FNTB: variants seen among roughly 807,000 people sequenced by gnomAD.
FNTB encodes the protein farnesyltransferase, CAAX box, subunit beta.
FNTB carries 27 observed loss-of-function variants against 59.4 expected under a neutral mutation model. The observed-to-expected ratio is 0.45, with a 90% CI of 0.34 to 0.63. The LOEUF (loss-of-function observed/expected upper bound fraction) is 0.63. FNTB is among the 20% of genes least tolerant of loss of function. The pLI, the probability that FNTB is intolerant of heterozygous loss-of-function variation, is 0.02. For synonymous variants in FNTB, 230 were observed against 220.7 expected, an observed-to-expected ratio of 1.04 and a Z score of -0.37; for missense variants, 449 against 559.6, an observed-to-expected ratio of 0.80 and a Z score of 1.99.
At position 65,004,303 on chromosome 14, in the gene FNTB, C is replaced by T. The variant is rs768861678; in HGVS notation, c.199C>T (p.Leu67Phe). The T allele has an allele frequency of 6.2e-7, 1 of 1,613,012 alleles. No individual in the cohort carries two copies. The highest frequency in any genetic ancestry group is 8.5e-7 in the Non-Finnish European group (1 of 1,179,420). Residue 67 changes from leucine to phenylalanine, a missense_variant, in exon 2 of 12, where the codon CTT becomes TTT. Around this residue, in one of 2 missense-constraint regions of FNTB, gnomAD observed 112 missense variants for 80.5 expected, o/e 1.39. Transcript: ENST00000246166. ...CTTCAGTTCTTACAAGTTCAACCAC[C>T]TTGTACCAAGGTAAGCTGTGGTTAG... is the stretch of plus-strand genomic sequence containing the variant. Reference protein sequence around the residue: ...EVFSSYKFNHLVPRLVLQREK... With the variant: ...EVFSSYKFNHFVPRLVLQREK...
At chr14:65,034,394 AT>A (rs2062147061) in intron 7 of FNTB, among the ~76,000 whole-genome samples, 1 of 152,218 alleles carries the variant, frequency 6.6e-6, no homozygotes, top group African/African-American at 2.4e-5. Context: ...TGGGAGATAC[AT>A]TTTTAATATC....
chr14:64,999,206 G>A (rs1227658125), intron 1 of FNTB, among the ~76,000 whole-genome samples: 1 of 152,228 alleles, frequency 6.6e-6, no homozygotes, highest in African/African-American at 2.4e-5. Context: ...GGGAGGCCAA[G>A]GCTTATGGAT....
Position 65,032,544 on chromosome 14 carries a change from G to T in FNTB, c.606-66G>T. 1 of 1,579,116 alleles carries T rather than the reference G, an allele frequency of 6.3e-7. No individual in the cohort carries two copies. Among genetic ancestry groups the T allele is most frequent in the Non-Finnish European group, 8.6e-7 (1 of 1,161,646 alleles). ...TAGGCAAGGCGAGCAGTCCGCCCGC[G>T]GAGTTCACTGAGCCTCATTAGCTCT... On this transcript the variant is annotated intron_variant, in intron 6 of 11. Coordinates refer to ENST00000246166, the MANE Select transcript of FNTB (RefSeq NM_002028.4). The surrounding 1 kb of genome is among the most constrained non-coding windows in gnomAD (Gnocchi z 5.0).
In FNTB at chr14:65,028,965, A is replaced by G. The variant is rs1288077874; in HGVS notation, c.605+1184A>G. ...AGCAAGATCCTTTTGGTATTTTATC[A>G]TATACCTTTTGCAGCTGTGATTATT... On this transcript the variant is annotated intron_variant, in intron 6 of 11. Transcript: ENST00000246166. This position sits in a 1 kb window ranked among gnomAD's most constrained non-coding sequence, Gnocchi z 4.4. Among the ~76,000 whole-genome samples the G allele has an allele frequency of 6.6e-6, 1 of 152,200 alleles. No individual in the cohort carries two copies. The highest frequency in any genetic ancestry group is 2.4e-5 in the African/African-American group (1 of 41,448).
intron 4 of FNTB, among the ~76,000 whole-genome samples, chr14:65,025,293 G>T (rs1485299186): frequency 6.6e-6 from 1 of 152,206 alleles, no homozygotes; most frequent in Non-Finnish European, 1.5e-5. Flanking sequence ...GGGAAAGGGA[G>T]TGGATAACCA....
intron 11 of FNTB, among the ~76,000 whole-genome samples, chr14:65,060,446 C>T (rs1472744977): frequency 1.0e-5 from 1 of 99,494 alleles, no homozygotes; most frequent in Non-Finnish European, 1.7e-5. Context: ...AAAATAATCC[C>T]AGCACTTTGG....
At chr14:65,046,351 G>C (rs987187597) in intron 9 of FNTB, among the ~76,000 whole-genome samples, 4 of 152,190 alleles carry the variant, frequency 2.6e-5, no homozygotes, top group Non-Finnish European at 5.9e-5. Context: ...CAAGCCCCTG[G>C]TAAAATGGTC....
At chr14:65,053,851 G>A (rs2062669313) in intron 10 of FNTB, among the ~76,000 whole-genome samples, 1 of 152,058 alleles carries the variant, frequency 6.6e-6, no homozygotes, top group African/African-American at 2.4e-5. Flanking sequence ...ACGTCCTGCT[G>A]CTCTTGGCAT....
intron 7 of FNTB, among the ~76,000 whole-genome samples, chr14:65,040,277 A>ATG (rs906756036): frequency 6.7e-6 from 1 of 148,712 alleles, no homozygotes; most frequent in African/African-American, 2.5e-5. Context: ...ATGTATATAT[A>ATG]TGTGTGTATA....
intron 4 of FNTB, among the ~76,000 whole-genome samples, chr14:65,017,585 G>A (rs2061801443): frequency 6.6e-6 from 1 of 152,200 alleles, no homozygotes; most frequent in Admixed American, 6.5e-5. Flanking sequence ...TAGGAAGAGA[G>A]GAGCCTTTAA....
chr14:65,016,552 G>A (rs183648519), intron 4 of FNTB: 1 of 152,348 alleles, frequency 6.6e-6, no homozygotes, highest in Non-Finnish European at 1.5e-5. Context: ...AGCACAAGGA[G>A]GCAGCTGTGC....
At chr14:65,019,220 C>T (rs1465561017) in intron 4 of FNTB, among the ~76,000 whole-genome samples, 1 of 151,932 alleles carries the variant, frequency 6.6e-6, no homozygotes, top group Non-Finnish European at 1.5e-5. Context: ...GATGTAGTGG[C>T]TCATGGCTGT....
chr14:65,010,561 C>T (rs1445926385), intron 2 of FNTB, among the ~76,000 whole-genome samples: 1 of 152,204 alleles, frequency 6.6e-6, no homozygotes, highest in Non-Finnish European at 1.5e-5. Flanking sequence ...TGTCTCCCCA[C>T]CCCATCTGTC....
At chr14:65,055,592 C>A (rs917701614) in intron 11 of FNTB, among the ~76,000 whole-genome samples, 2 of 152,026 alleles carry the variant, frequency 1.3e-5, no homozygotes, top group African/African-American at 2.4e-5. Context: ...TATTGGCTCA[C>A]TGCAACCTCC....
chr14:65,053,188 A>G (rs2062651765), intron 9 of FNTB, 50 bp from the exon 10 acceptor site: 1 of 1,300,254 alleles, frequency 7.7e-7, no homozygotes, highest in Non-Finnish European at 9.9e-7. Flanking sequence ...TAGGTCATTG[A>G]TACTTGGCTG....
chr14:65,040,604 CTTTT>C (rs35890649), intron 7 of FNTB, among the ~76,000 whole-genome samples, 182 bp from the exon 8 acceptor site: 3 of 117,326 alleles, frequency 2.6e-5, no homozygotes, highest in African/African-American at 6.6e-5. Context: ...CCAGGCCCAG[CTTTT>C]TTTTTTTTTT....
chr14:65,005,435 T>C (rs1057020385), intron 2 of FNTB, among the ~76,000 whole-genome samples: 3 of 151,864 alleles, frequency 2.0e-5, no homozygotes, highest in African/African-American at 7.2e-5. Flanking sequence ...GATGGAACAC[T>C]TTCTCTTCCT....
chr14:64,996,597 G>A (rs145487970), intron 1 of FNTB, among the ~76,000 whole-genome samples: 114 of 152,294 alleles, frequency 7.5e-4, no homozygotes, highest in Non-Finnish European at 1.3e-3. Flanking sequence ...CAGCTTCTGC[G>A]TATGTTGTGG....
rs1201566868 is a variant in FNTB, at chr14:64,997,868, C to G, written c.145-6381C>G. On this transcript the variant is annotated intron_variant, in intron 1 of 11. Transcript: ENST00000246166. This position sits in a 1 kb window ranked among gnomAD's most constrained non-coding sequence, Gnocchi z 4.5. The stretch of plus-strand genomic sequence containing the variant: ...TTTCCTTTTATAGATGTAATTTTCC[C>G]TTACAAATGAGGTAACTTCTACTCT... Among the ~76,000 whole-genome samples the G allele has an allele frequency of 1.3e-5, 2 of 152,184 alleles. No homozygotes were observed. Among genetic ancestry groups the G allele is most frequent in the Non-Finnish European group, 2.9e-5 (2 of 68,046 alleles).
Sources: allele counts gnomAD v4.1 joint callset (sites outside exome capture counted in the v4.1 genomes callset), GRCh38; gene constraint gnomAD v4.1.1; regional missense constraint gnomAD v4.1.1; non-coding constraint Gnocchi (gnomAD v3.1); transcripts MANE v1.5; gene names NCBI Gene and HGNC (gene_info 2026-07-23, HGNC 2026-07-21).